Variants in CFAP44 observed in about 807,000 individuals in gnomAD.
The protein encoded by CFAP44 is cilia and flagella associated protein 44, also known as cilia- and flagella-associated protein 44.
Under a neutral mutation model 216.2 loss-of-function variants are expected in CFAP44, and 134 were observed. The ratio of observed to expected loss-of-function variants is 0.62; its 90% CI spans 0.54 to 0.72. The LOEUF is 0.72. Among genes scored for constraint, CFAP44 ranks in the 30% least tolerant of loss-of-function variants. The pLI, the probability that CFAP44 is intolerant of heterozygous loss-of-function variation, is 0.00. For missense variants in CFAP44, 2,035 were observed against 2,182.1 expected (o/e 0.93, Z 1.34); for synonymous variants, 700 against 727.6 (o/e 0.96, Z 0.61).
At chr3:113,420,633 G>A (rs1301756501) in intron 4 of CFAP44, among the ~76,000 whole-genome samples, 1 of 152,092 alleles carries the variant, frequency 6.6e-6, no homozygotes, top group Admixed American at 6.6e-5. Context: ...CATCACCTTT[G>A]TATTCACAAT....
chr3:113,304,844 T>C (rs1184568166), intron 31 of CFAP44, among the ~76,000 whole-genome samples, 192 bp downstream of exon 31: 3 of 152,224 alleles, frequency 2.0e-5, no homozygotes, highest in Non-Finnish European at 1.5e-5. Flanking sequence ...CAGGGAAATA[T>C]CCATGTTTTG....
At chr3:113,441,397 C>A (rs1279454470) in intron 1 of CFAP44, 56 bp downstream of exon 1, 13 of 985,726 alleles carry the variant, frequency 1.3e-5, no homozygotes, top group Admixed American at 6.1e-5. Flanking sequence ...GCCCTCTGAG[C>A]CACAGATTTA....
At chr3:113,403,790 C>T in intron 9 of CFAP44, 62 bp downstream of exon 9, 1 of 1,526,968 alleles carries the variant, frequency 6.5e-7, no homozygotes. Flanking sequence ...GAAATAAAAC[C>T]CTTTGGGTGA....
intron 23 of CFAP44, among the ~76,000 whole-genome samples, chr3:113,343,186 TG>T (rs1426907519): frequency 6.6e-6 from 1 of 151,242 alleles, no homozygotes; most frequent in Non-Finnish European, 1.5e-5. Flanking sequence ...CACAGCCTCC[TG>T]GGTAGCTGGG....
In CFAP44 at chr3:113,366,303, G is replaced by C. The variant is rs1237223487; in HGVS notation, c.2451C>G (p.Asn817Lys). The change falls in exon 19 of 35, where the codon AAC (asparagine) becomes AAG (lysine). Residue 817 changes from asparagine to lysine, a missense_variant. By Grantham distance (94) the Asn-to-Lys change is moderately conservative (BLOSUM62 0). Around this residue, in one of 3 missense-constraint regions of CFAP44, gnomAD observed 1,883 missense variants for 2,023.7 expected, o/e 0.93. Coordinates refer to ENST00000393845, the MANE Select transcript of CFAP44 (RefSeq NM_001164496.2). The part of the protein sequence containing the change: ...NPIQTITFNI[N>K]KVMMFCGMKN... ...TCATTCCACAAAACATCATAACTTT[G>C]TTAATGCTACGAAACAAAAAATGTA... 1 of 1,590,894 alleles carries C rather than the reference G, an allele frequency of 6.3e-7. No homozygotes were observed. The highest frequency in any genetic ancestry group is 1.7e-5 in the Admixed American group (1 of 58,362).
intron 15 of CFAP44, among the ~76,000 whole-genome samples, chr3:113,388,801 GA>G (rs1335905986): frequency 6.6e-6 from 1 of 152,198 alleles, no homozygotes; most frequent in Non-Finnish European, 1.5e-5. Context: ...TAATGATAAA[GA>G]GGTCAATTCA....
intron 28 of CFAP44, among the ~76,000 whole-genome samples, chr3:113,317,736 T>C (rs1421674057): frequency 6.6e-6 from 1 of 152,182 alleles, no homozygotes; most frequent in Non-Finnish European, 1.5e-5. Flanking sequence ...AGGGGTGAGA[T>C]GCATGAGTTC....
chr3:113,331,923 T>C (rs1168382783), intron 25 of CFAP44, among the ~76,000 whole-genome samples: 2 of 152,248 alleles, frequency 1.3e-5, no homozygotes, highest in African/African-American at 4.8e-5. Flanking sequence ...ACATGTCTTA[T>C]TGTTAATTGG....
chr3:113,310,576 A>G (rs573034043), intron 28 of CFAP44, among the ~76,000 whole-genome samples: 1 of 152,358 alleles, frequency 6.6e-6, no homozygotes, highest in South Asian at 2.1e-4. Flanking sequence ...AGTTTTTAGG[A>G]TTCAATTAAA....
intron 26 of CFAP44, among the ~76,000 whole-genome samples, chr3:113,329,142 T>C (rs1950218908): frequency 6.6e-6 from 1 of 152,190 alleles, no homozygotes; most frequent in African/African-American, 2.4e-5. Context: ...AATTGTGTAA[T>C]TTAATTTTCA....
chr3:113,314,314 C>T (rs1002943786), intron 28 of CFAP44, among the ~76,000 whole-genome samples: 15 of 152,120 alleles, frequency 9.9e-5, no homozygotes. Flanking sequence ...AGGGGATACA[C>T]AACTTGTATA....
At chr3:113,362,019 G>C (rs1000686917) in intron 21 of CFAP44, among the ~76,000 whole-genome samples, 1 of 151,480 alleles carries the variant, frequency 6.6e-6, no homozygotes, top group African/African-American at 2.4e-5. Context: ...GTTCCTCAAG[G>C]ATAACTGCCA....
chr3:113,407,320 T>A lies in CFAP44; in HGVS notation c.891-279A>T, dbSNP rs140202687. On this transcript the variant is annotated intron_variant, in intron 7 of 34. Transcript: ENST00000393845. ...CCTAATGCAGTACCCTCCAGCTATG[T>A]GTGACTATTTAAATTTAGATTTAAA... Among the ~76,000 whole-genome samples, 847 of 152,330 alleles carry A rather than the reference T, an allele frequency of 5.6e-3. 15 individuals carry two copies. The highest frequency in any genetic ancestry group is 0.02 in the African/African-American group (823 of 41,580).
chr3:113,338,691 G>A (rs1341606597), intron 24 of CFAP44, among the ~76,000 whole-genome samples: 4 of 152,098 alleles, frequency 2.6e-5, no homozygotes, highest in African/African-American at 9.7e-5. Context: ...AGTCTCACAG[G>A]GTCATCTGAA....
chr3:113,333,449 T>G lies in CFAP44; in HGVS notation c.3572A>C (p.Asn1191Thr). Reference sequence around the variant, plus strand: ...TAGTTCCTCTTCCTTCTTGGCAGCATTTATTCTCATGTGCTCAGGTATCTT... The same window carrying G: ...TAGTTCCTCTTCCTTCTTGGCAGCAGTTATTCTCATGTGCTCAGGTATCTT... ...DYKIPEHMRI[N>T]AAKKEEELGH... The change falls in exon 25 of 35, where the codon AAT becomes ACT. Residue 1191 changes from asparagine (N) to threonine (T), a missense_variant. Asn to Thr is a moderately conservative substitution (Grantham distance 65). This residue lies in a region of CFAP44 where 1,883 missense variants were observed against 2,023.7 expected (regional missense o/e 0.93). Coordinates refer to ENST00000393845, the MANE Select transcript of CFAP44 (RefSeq NM_001164496.2). 6.5e-7 allele frequency: 1 copy of G among 1,537,150 alleles called. No homozygotes were observed. The highest frequency in any genetic ancestry group is 2.4e-5 in the East Asian group (1 of 40,904).
At chr3:113,358,994 T>C in intron 21 of CFAP44, 119 bp from the exon 22 acceptor site, 2 of 1,213,620 alleles carry the variant, frequency 1.6e-6, no homozygotes, top group South Asian at 4.2e-5. Flanking sequence ...TCATAAACTC[T>C]GTCCATTACA....
At chr3:113,393,598 T>C (rs1453427148) in intron 15 of CFAP44, among the ~76,000 whole-genome samples, 1 of 152,122 alleles carries the variant, frequency 6.6e-6, no homozygotes, top group Non-Finnish European at 1.5e-5. Context: ...GGCACGATCT[T>C]GGCACACTGC....
intron 22 of CFAP44, among the ~76,000 whole-genome samples, chr3:113,347,202 T>G (rs562602367): frequency 6.6e-6 from 1 of 152,304 alleles, no homozygotes; most frequent in Admixed American, 6.5e-5. Flanking sequence ...GAAAGGGCTC[T>G]CTAACAACCC....
chr3:113,412,203 G>A (rs889674149), intron 6 of CFAP44, among the ~76,000 whole-genome samples: 23 of 152,112 alleles, frequency 1.5e-4, no homozygotes, highest in Non-Finnish European at 2.4e-4. Context: ...AATTCAATTA[G>A]GAAAAGAGGA....
Sources: gnomAD v4.1 joint callset for allele counts (sites outside exome capture counted in the v4.1 genomes callset) on GRCh38, gnomAD v4.1.1 for gene constraint, gnomAD v4.1.1 regional missense constraint, MANE v1.5 for transcripts, NCBI Gene and HGNC (gene_info 2026-07-23, HGNC 2026-07-21) for gene names.